Variants in CCSER1 observed in about 807,000 individuals in gnomAD.
CCSER1 encodes coiled-coil serine rich protein 1, also known as serine-rich coiled-coil domain-containing protein 1.
CCSER1 carries 41 observed loss-of-function variants against 82.0 expected under a neutral mutation model. That is an observed-to-expected ratio of 0.50 (90% confidence interval 0.39 to 0.65). The LOEUF is 0.65. Among genes scored for constraint, CCSER1 ranks in the 30% least tolerant of loss-of-function variants. The pLI is 0.00. For missense variants in CCSER1, 1,119 were observed against 1,064.2 expected (o/e 1.05, Z -0.72); for synonymous variants, 414 against 383.9 (o/e 1.08, Z -0.92).
intron 10 of CCSER1, among the ~76,000 whole-genome samples, chr4:91,285,571 T>G (rs539365576): frequency 6.6e-6 from 1 of 151,890 alleles, no homozygotes; most frequent in African/African-American, 2.4e-5. Flanking sequence ...CTACTAAAAA[T>G]AGAAAGAAAA....
intron 6 of CCSER1, among the ~76,000 whole-genome samples, chr4:90,666,985 C>T (rs1731912372): frequency 6.6e-6 from 1 of 152,136 alleles, no homozygotes; most frequent in Admixed American, 6.5e-5. Context: ...GGATATATTT[C>T]TTTCACTAGT....
intron 8 of CCSER1, among the ~76,000 whole-genome samples, chr4:90,855,845 G>A (rs1476338413): frequency 1.3e-5 from 2 of 151,988 alleles, no homozygotes; most frequent in Non-Finnish European, 2.9e-5. Context: ...TATTCACAGT[G>A]GCATTTTAAA....
intron 5 of CCSER1, among the ~76,000 whole-genome samples, chr4:90,476,868 C>T (rs1765191140): frequency 6.6e-6 from 1 of 152,080 alleles, no homozygotes; most frequent in Non-Finnish European, 1.5e-5. Flanking sequence ...ATTGAGCACA[C>T]AAATGCTATT....
At chr4:90,386,297 A>G (rs150382245) in intron 3 of CCSER1, among the ~76,000 whole-genome samples, 58 of 152,346 alleles carry the variant, frequency 3.8e-4, no homozygotes, top group Admixed American at 2.4e-3. Flanking sequence ...ACTGGTATAA[A>G]GCAGATACGT....
chr4:90,900,547 G>T (rs143292838), intron 8 of CCSER1, among the ~76,000 whole-genome samples: 1 of 151,426 alleles, frequency 6.6e-6, no homozygotes, highest in East Asian at 1.9e-4. Flanking sequence ...AGTTATTTGC[G>T]CAAAAGTCAT....
intron 10 of CCSER1, among the ~76,000 whole-genome samples, chr4:91,279,841 A>G (rs574575612): frequency 1.4e-4 from 21 of 151,912 alleles, no homozygotes; most frequent in African/African-American, 5.1e-4. Flanking sequence ...CCTTATATTG[A>G]TATTTGCACA....
intron 5 of CCSER1, among the ~76,000 whole-genome samples, chr4:90,516,236 A>C (rs575645782): frequency 4.9e-4 from 75 of 152,288 alleles, no homozygotes; most frequent in African/African-American, 1.6e-3. Context: ...TTTAAGAAGA[A>C]CAGGATTTCT....
chr4:90,521,049 T>C (rs1213525741), intron 5 of CCSER1, among the ~76,000 whole-genome samples: 2 of 152,214 alleles, frequency 1.3e-5, no homozygotes, highest in Non-Finnish European at 2.9e-5. Context: ...TTAAAAAATC[T>C]AATACGCATT....
chr4:90,400,273 C>T (rs1306158842), intron 4 of CCSER1, 144 bp downstream of exon 4: 8 of 393,324 alleles, frequency 2.0e-5, no homozygotes, highest in Non-Finnish European at 3.6e-5. Context: ...ATGCTAGGTA[C>T]CATGGAGACA....
intron 8 of CCSER1, chr4:90,839,016 C>A (rs1580720300): frequency 6.2e-7 from 1 of 1,612,492 alleles, no homozygotes; most frequent in Non-Finnish European, 8.5e-7. Context: ...TCGATCTCAG[C>A]CATATCGGGT....
intron 9 of CCSER1, among the ~76,000 whole-genome samples, chr4:91,055,869 G>A (rs1743400565): frequency 7.0e-6 from 1 of 142,784 alleles, no homozygotes; most frequent in Admixed American, 7.6e-5. Flanking sequence ...CTTGTGCTCT[G>A]ATCACTTTTC....
At chr4:90,210,450 C>CTTTTCTT (rs1553959475) in intron 1 of CCSER1, among the ~76,000 whole-genome samples, 1 of 141,284 alleles carries the variant, frequency 7.1e-6, no homozygotes, top group African/African-American at 2.7e-5. Flanking sequence ...CTTTTCTTTT[C>CTTTTCTT]TTTTTTTTTT....
At chr4:91,208,794 T>C (rs567736735) in intron 10 of CCSER1, among the ~76,000 whole-genome samples, 124 of 152,144 alleles carry the variant, frequency 8.2e-4, no homozygotes, top group African/African-American at 2.7e-3. Context: ...ATCTATAAAT[T>C]GCTTTGGGCA....
At chr4:90,466,698 G>C (rs1763693934) in intron 4 of CCSER1, among the ~76,000 whole-genome samples, 1 of 152,136 alleles carries the variant, frequency 6.6e-6, no homozygotes. Flanking sequence ...TAAGAAAAAA[G>C]TGACAAAACC....
intron 10 of CCSER1, among the ~76,000 whole-genome samples, chr4:91,458,772 G>T (rs968645268): frequency 6.6e-6 from 1 of 152,010 alleles, no homozygotes; most frequent in Non-Finnish European, 1.5e-5. Context: ...TACTGTAAAT[G>T]GAATTGTTTT....
At chr4:91,164,552 C>T (rs1031678034) in intron 10 of CCSER1, among the ~76,000 whole-genome samples, 7 of 152,216 alleles carry the variant, frequency 4.6e-5, no homozygotes, top group African/African-American at 1.7e-4. Context: ...TTCTCCCCGT[C>T]ACTTTGAAGT....
At chr4:90,436,911 A>G (rs1292954536) in intron 4 of CCSER1, among the ~76,000 whole-genome samples, 1 of 150,778 alleles carries the variant, frequency 6.6e-6, no homozygotes, top group Non-Finnish European at 1.5e-5. Context: ...GGTTCACGCC[A>G]TTCTCCTGCC....
intron 10 of CCSER1, among the ~76,000 whole-genome samples, chr4:91,539,583 T>G (rs1272035134): frequency 6.6e-6 from 1 of 152,102 alleles, no homozygotes; most frequent in Non-Finnish European, 1.5e-5. Context: ...GCTAGTGGTT[T>G]CCTAAATCAG....
At chr4:91,227,466 A>T (rs1389194494) in intron 10 of CCSER1, among the ~76,000 whole-genome samples, 1 of 151,772 alleles carries the variant, frequency 6.6e-6, no homozygotes, top group African/African-American at 2.4e-5. Flanking sequence ...GTGTATGTGT[A>T]TGAAGACAAA....
Sources: allele counts gnomAD v4.1 joint callset (sites outside exome capture counted in the v4.1 genomes callset), GRCh38; gene constraint gnomAD v4.1.1; transcripts MANE v1.5; gene names NCBI Gene and HGNC (gene_info 2026-07-23, HGNC 2026-07-21).